PDK1: variants seen among roughly 807,000 people sequenced by gnomAD.
The protein encoded by PDK1 is pyruvate dehydrogenase kinase 1.
In PDK1, 39 loss-of-function variants were observed where a neutral mutation model predicts 54.2. The observed-to-expected ratio is 0.72, with a 90% CI of 0.56 to 0.94. PDK1 has a LOEUF of 0.94. PDK1 is among the 40% of genes least tolerant of loss of function. The probability of loss-of-function intolerance (pLI) is 0.00; values close to 1 mark genes in which losing one functional copy is unlikely to be tolerated. For synonymous variants in PDK1, 221 were observed against 207.1 expected, an observed-to-expected ratio of 1.07 and a Z score of -0.58; for missense variants, 552 against 566.0, an observed-to-expected ratio of 0.98 and a Z score of 0.25.
chr2:172,694,612 G>T, the PDK1 span, among the ~76,000 whole-genome samples: 1 of 152,162 alleles, frequency 6.6e-6, no homozygotes, highest in Non-Finnish European at 1.5e-5. Context: ...GTGTGGCTAT[G>T]AGTGCGCCCT....
upstream of PDK1, chr2:172,555,961 C>T (rs1486735931): frequency 4.9e-6 from 2 of 411,788 alleles, no homozygotes; most frequent in Non-Finnish European, 8.4e-6. Context: ...CCCCTTTTCT[C>T]TCCCCGCCTC....
chr2:172,615,120 C>T, the PDK1 span, among the ~76,000 whole-genome samples: 9 of 152,274 alleles, frequency 5.9e-5, no homozygotes, highest in East Asian at 1.4e-3. Flanking sequence ...TGCTCCCTGC[C>T]GCAAGGGGTT....
chr2:172,703,888 T>G, the PDK1 span, among the ~76,000 whole-genome samples: 1 of 148,782 alleles, frequency 6.7e-6, no homozygotes, highest in African/African-American at 2.5e-5. Context: ...TTCTCCTGCC[T>G]CATCCTCCTG....
the PDK1 span, among the ~76,000 whole-genome samples, chr2:172,686,586 C>G: frequency 6.6e-6 from 1 of 152,192 alleles, no homozygotes; most frequent in African/African-American, 2.4e-5. Flanking sequence ...GCTGGCCACC[C>G]CAGCCTGCAG....
chr2:172,570,246 A>T (rs1363214983), intron 7 of PDK1, among the ~76,000 whole-genome samples: 6 of 152,216 alleles, frequency 3.9e-5, no homozygotes, highest in African/African-American at 1.4e-4. Flanking sequence ...TTACAATGAC[A>T]ATACCCTTAA....
chr2:172,558,836 T>TTGGTACAAAGC lies in PDK1; in HGVS notation c.331_338+3dup, dbSNP rs1321689619. ...TCTTCTCAGGACACCATCCGTTCAA[T>TTGGTACAAAGC]TGGTACAAAGCTGGTAAGATTCTCA... On this transcript the variant is annotated frameshift_variant, in exon 2 of 11. Coordinates refer to ENST00000282077, the MANE Select transcript of PDK1 (RefSeq NM_002610.5). LOFTEE classifies it high-confidence loss of function. 1 of 1,612,216 alleles carries TTGGTACAAAGC rather than the reference T, an allele frequency of 6.2e-7. No homozygotes were observed. Among genetic ancestry groups the TTGGTACAAAGC allele is most frequent in the African/African-American group, 1.3e-5 (1 of 74,834 alleles).
chr2:172,587,123 C>CT (rs1690275186), intron 9 of PDK1, among the ~76,000 whole-genome samples: 1 of 152,186 alleles, frequency 6.6e-6, no homozygotes, highest in Non-Finnish European at 1.5e-5. Flanking sequence ...GTTACTAGGA[C>CT]TTTATTCTGA....
the PDK1 span, among the ~76,000 whole-genome samples, chr2:172,660,439 G>T: frequency 6.6e-6 from 1 of 150,896 alleles, no homozygotes; most frequent in Non-Finnish European, 1.5e-5. Flanking sequence ...TTGTATTTTA[G>T]CAGAGACAGG....
rs538361950 is a variant in PDK1 at position 172,586,336 on chromosome 2, T to C, written c.1004T>C (p.Met335Thr). The C allele has an allele frequency of 3.1e-6, 5 of 1,613,190 alleles. No homozygotes were observed. The highest frequency in any genetic ancestry group is 1.7e-5 in the Admixed American group (1 of 59,998). The part of the protein sequence containing the change: ...LRKIDRLFNY[M>T]YSTAPRPRVE... ...AAAATTGACAGACTTTTCAACTACATGTATTCAACTGCACCAAGACCTCGT... is the reference window on the plus strand; with the variant it reads ...AAAATTGACAGACTTTTCAACTACACGTATTCAACTGCACCAAGACCTCGT... Residue 335 changes from methionine (M) to threonine (T), a missense_variant, in exon 9 of 11, where the codon ATG becomes ACG. By Grantham distance (81) the Met-to-Thr change is moderately conservative. Coordinates refer to ENST00000282077, the MANE Select transcript of PDK1 (RefSeq NM_002610.5).
At chr2:172,616,745 A>G in the PDK1 span, among the ~76,000 whole-genome samples, 2 of 152,334 alleles carry the variant, frequency 1.3e-5, no homozygotes, top group East Asian at 3.9e-4. Flanking sequence ...TTTTAAAAGC[A>G]ATAAAATAAT....
At chr2:172,703,695 C>A in the PDK1 span, among the ~76,000 whole-genome samples, 1 of 151,410 alleles carries the variant, frequency 6.6e-6, no homozygotes, top group Non-Finnish European at 1.5e-5. Flanking sequence ...TCTAACTCCT[C>A]ACACTTTGTG....
intron 8 of PDK1, among the ~76,000 whole-genome samples, chr2:172,576,902 T>C (rs763428666): frequency 1.5e-4 from 23 of 152,230 alleles, no homozygotes; most frequent in Non-Finnish European, 2.9e-4. Context: ...GAATGTTCCA[T>C]GTGTACTTGA....
the PDK1 span, among the ~76,000 whole-genome samples, chr2:172,641,762 G>A: frequency 2.0e-5 from 3 of 152,062 alleles, no homozygotes; most frequent in South Asian, 6.2e-4. Flanking sequence ...TTTATTTATG[G>A]CCAGTTTTTA....
At chr2:172,562,756 A>G (rs1376854083) in intron 3 of PDK1, 7 of 1,597,880 alleles carry the variant, frequency 4.4e-6, no homozygotes, top group Admixed American at 3.3e-5. Flanking sequence ...CTAGAAGAAC[A>G]TGGTTGCAGG....
At chr2:172,646,388 C>G in the PDK1 span, among the ~76,000 whole-genome samples, 1 of 151,550 alleles carries the variant, frequency 6.6e-6, no homozygotes, top group African/African-American at 2.4e-5. Context: ...CCCTTTTTTT[C>G]TTTCTAATTT....
the PDK1 span, among the ~76,000 whole-genome samples, chr2:172,613,880 C>T: frequency 6.6e-6 from 1 of 152,114 alleles, no homozygotes; most frequent in Non-Finnish European, 1.5e-5. Context: ...CAGGCAGGAG[C>T]CCCGCCCTCC....
At chr2:172,707,277 G>A in the PDK1 span, among the ~76,000 whole-genome samples, 533 of 152,284 alleles carry the variant, frequency 3.5e-3, 4 homozygotes, top group African/African-American at 0.012. Flanking sequence ...CCCTGGGAGC[G>A]GGAGGAAGGT....
At chr2:172,679,433 C>G in the PDK1 span, among the ~76,000 whole-genome samples, 1 of 151,986 alleles carries the variant, frequency 6.6e-6, no homozygotes, top group Non-Finnish European at 1.5e-5. Flanking sequence ...GGCAACAGGG[C>G]AAGACTCTGT....
At chr2:172,635,460 C>T in the PDK1 span, among the ~76,000 whole-genome samples, 35 of 152,082 alleles carry the variant, frequency 2.3e-4, no homozygotes, top group Non-Finnish European at 3.5e-4. Flanking sequence ...GCATTACAGG[C>T]GCCTGCCACC....
Sources: gnomAD v4.1 joint callset for allele counts (sites outside exome capture counted in the v4.1 genomes callset) on GRCh38, gnomAD v4.1.1 for gene constraint, MANE v1.5 for transcripts, NCBI Gene and HGNC (gene_info 2026-07-23, HGNC 2026-07-21) for gene names.